RAPGEF5: variants seen among roughly 807,000 people sequenced by gnomAD.
The protein encoded by RAPGEF5 is M-Ras-regulated GEF.
In RAPGEF5, 65 loss-of-function variants were observed where a neutral mutation model predicts 125.2. The observed-to-expected ratio is 0.52, with a 90% CI of 0.43 to 0.64. The LOEUF is 0.64. Among genes scored for constraint, RAPGEF5 ranks in the 30% least tolerant of loss-of-function variants. The pLI is 0.00. For missense variants in RAPGEF5, 958 were observed against 1,048.1 expected, an observed-to-expected ratio of 0.91 and a Z score of 1.19; for synonymous variants, 391 against 385.9, an observed-to-expected ratio of 1.01 and a Z score of -0.16.
intron 12 of RAPGEF5, 49 bp downstream of exon 12, chr7:22,167,021 T>C (rs763942295): frequency 1.8e-5 from 27 of 1,465,586 alleles, no homozygotes; most frequent in African/African-American, 7.0e-5. Flanking sequence ...ACGTGGGACA[T>C]CTGTCTGAGA....
rs115996643 is a variant in RAPGEF5, at chr7:22,192,944, T to C, written c.1204+423A>G. The C allele has an allele frequency of 5.6e-3, 1,118 of 198,550 alleles. 18 individuals are homozygous for C. Among genetic ancestry groups the C allele is most frequent in the African/African-American group, 0.023 (1,008 of 43,026 alleles). The allele number at this position is 198,550 out of a possible 1,614,324, so 12.3% of individuals were successfully genotyped here. On this transcript the variant is annotated intron_variant, in intron 11 of 25. Transcript: ENST00000665637. ...AGCATGTAGCTGCTGAGTAGTTGCA[T>C]TAATTGTTGACATTTCAGCACGGAG... is the stretch of plus-strand genomic sequence containing the variant.
intron 5 of RAPGEF5, among the ~76,000 whole-genome samples, chr7:22,297,271 G>A (rs1050934311): frequency 2.0e-5 from 3 of 152,144 alleles, no homozygotes; most frequent in Non-Finnish European, 4.4e-5. Context: ...ACAATGTGAG[G>A]AAACTGACCT....
chr7:22,323,536 C>T (rs952356362), intron 1 of RAPGEF5, among the ~76,000 whole-genome samples: 1 of 152,174 alleles, frequency 6.6e-6, no homozygotes, highest in African/African-American at 2.4e-5. Flanking sequence ...CTGGTTAATG[C>T]AATCACAGAG....
intron 8 of RAPGEF5, among the ~76,000 whole-genome samples, chr7:22,228,918 C>T (rs1256767538): frequency 6.6e-6 from 1 of 152,158 alleles, no homozygotes; most frequent in African/African-American, 2.4e-5. Flanking sequence ...TACTGAAACT[C>T]TCCTATGTGC....
intron 1 of RAPGEF5, 113 bp from the exon 2 acceptor site, chr7:22,318,150 A>C (rs1783641388): frequency 9.0e-7 from 1 of 1,115,434 alleles, no homozygotes; most frequent in Admixed American, 3.2e-5. Flanking sequence ...AAAAAAAAAA[A>C]AAAATGAGCT....
At position 22,213,303 on chromosome 7, in the gene RAPGEF5, A is replaced by C. The variant is rs80194579; in HGVS notation, c.996+6563T>G. On this transcript the variant is annotated intron_variant, in intron 9 of 25. Transcript: ENST00000665637. ...TTTTCTGGAGGAAAAGCTAGAATTT[A>C]AAGAGCACACACAGTGAACCAAACT... Among the ~76,000 whole-genome samples the C allele has an allele frequency of 8.5e-4, 129 of 152,354 alleles. 1 individual carries two copies. The highest frequency in any genetic ancestry group is 2.4e-3 in the African/African-American group (98 of 41,586).
intron 18 of RAPGEF5, among the ~76,000 whole-genome samples, chr7:22,150,183 G>T (rs1202348086): frequency 1.4e-5 from 2 of 147,302 alleles, no homozygotes; most frequent in African/African-American, 5.0e-5. Flanking sequence ...GGGCTGAAGA[G>T]ATCCTCCCAC....
At chr7:22,214,319 G>A (rs1189474213) in intron 9 of RAPGEF5, among the ~76,000 whole-genome samples, 1 of 152,190 alleles carries the variant, frequency 6.6e-6, no homozygotes, top group Non-Finnish European at 1.5e-5. Flanking sequence ...AGAAGAAAAT[G>A]GGGTGGGGCA....
intron 8 of RAPGEF5, among the ~76,000 whole-genome samples, chr7:22,228,982 A>T (rs1785991899): frequency 6.6e-6 from 1 of 152,134 alleles, no homozygotes; most frequent in South Asian, 2.1e-4. Flanking sequence ...GGACAAGCTT[A>T]TAATATCTCC....
At chr7:22,162,329 T>C in intron 13 of RAPGEF5, 68 bp downstream of exon 13, 1 of 1,462,798 alleles carries the variant, frequency 6.8e-7, no homozygotes, top group Non-Finnish European at 9.4e-7. Flanking sequence ...AATGAGATTT[T>C]TAAAATGCAT....
chr7:22,139,375 G>A (rs1018006699), intron 21 of RAPGEF5, among the ~76,000 whole-genome samples: 3 of 152,244 alleles, frequency 2.0e-5, no homozygotes, highest in Admixed American at 6.5e-5. Context: ...AAGGAAGGAC[G>A]GTGAGGGGAC....
intron 22 of RAPGEF5, 27 bp downstream of exon 22, chr7:22,136,906 T>G: frequency 6.5e-7 from 1 of 1,529,522 alleles, no homozygotes; most frequent in Non-Finnish European, 9.0e-7. Context: ...TTTTGAAGAA[T>G]AAGTCCCCTT....
intron 24 of RAPGEF5, among the ~76,000 whole-genome samples, 171 bp from the exon 25 acceptor site, chr7:22,125,829 G>T (rs779943036): frequency 6.6e-6 from 1 of 152,194 alleles, no homozygotes; most frequent in Non-Finnish European, 1.5e-5. Context: ...GATTATCAAA[G>T]AATATTTAGT....
At chr7:22,158,397 G>C (rs1783880177) in intron 14 of RAPGEF5, among the ~76,000 whole-genome samples, 1 of 152,122 alleles carries the variant, frequency 6.6e-6, no homozygotes, top group African/African-American at 2.4e-5. Flanking sequence ...CCACCTTCAA[G>C]TGCCCTCTGA....
At chr7:22,201,524 TG>T (rs1007646149) in intron 9 of RAPGEF5, among the ~76,000 whole-genome samples, 12 of 152,266 alleles carry the variant, frequency 7.9e-5, no homozygotes, top group African/African-American at 2.9e-4. Context: ...TTCTTCCTGC[TG>T]TCCAGAAAAC....
chr7:22,280,769 T>A (rs1782657017), intron 6 of RAPGEF5, among the ~76,000 whole-genome samples: 1 of 152,210 alleles, frequency 6.6e-6, no homozygotes, highest in African/African-American at 2.4e-5. Context: ...CTTTTCCTTG[T>A]TTTATGTCTG....
chr7:22,139,267 C>A lies in RAPGEF5; in HGVS notation c.2277+758G>T, dbSNP rs185228034. Among the ~76,000 whole-genome samples the A allele has an allele frequency of 1.0e-3, 156 of 152,112 alleles. 1 individual carries two copies. The highest frequency in any genetic ancestry group is 1.9e-3 in the South Asian group (9 of 4,826). On this transcript the variant is annotated intron_variant, in intron 21 of 25. Coordinates refer to ENST00000665637, the MANE Select transcript of RAPGEF5 (RefSeq NM_012294.5). ...CAGTGAGCCACACGCAGGCTAGAGG[C>A]AGAGGCATGATGCTTAAAGAGCAAT...
Position 22,119,478 on chromosome 7 carries a change from T to C in RAPGEF5, c.*2928A>G, listed in dbSNP as rs1428529612. ...AGAGCAAATTCAAAACACCACACTC[T>C]AGGGAACACCTGCAAATGTGTATGT... On this transcript the variant is annotated 3_prime_UTR_variant, in exon 26 of 26. Transcript: ENST00000665637. The surrounding 1 kb of genome is among the most constrained non-coding windows in gnomAD (Gnocchi z 4.1). 6.6e-6 allele frequency: 1 copy of C among 152,176 alleles called. No homozygotes were observed. Among genetic ancestry groups the C allele is most frequent in the South Asian group, 2.1e-4 (1 of 4,834 alleles). The allele number at this position is 152,176 out of a possible 1,614,324, so 9.4% of individuals were successfully genotyped here.
At chr7:22,267,053 A>G (rs1313269933) in intron 6 of RAPGEF5, 41 bp from the exon 7 acceptor site, 1 of 1,546,010 alleles carries the variant, frequency 6.5e-7, no homozygotes, top group Admixed American at 1.7e-5. Context: ...TAGAAGAAGA[A>G]AAATGTAGCC....
Sources: gnomAD v4.1 joint callset for allele counts (sites outside exome capture counted in the v4.1 genomes callset) on GRCh38, gnomAD v4.1.1 for gene constraint, Gnocchi (gnomAD v3.1) non-coding constraint, MANE v1.5 for transcripts, NCBI Gene and HGNC (gene_info 2026-07-23, HGNC 2026-07-21) for gene names.